Variants in GAK observed in about 807,000 individuals in gnomAD.
The protein encoded by GAK is cyclin-G-associated kinase.
GAK carries 79 observed loss-of-function variants against 143.9 expected under a neutral mutation model. That is an observed-to-expected ratio of 0.55 (90% CI 0.46 to 0.66). The LOEUF (loss-of-function observed/expected upper bound fraction) is 0.66. Among genes scored for constraint, GAK ranks in the 30% least tolerant of loss-of-function variants. GAK has a pLI of 0.00. For missense variants in GAK, 1,693 were observed against 1,779.7 expected, an observed-to-expected ratio of 0.95 and a Z score of 0.88; for synonymous variants, 881 against 765.5, an observed-to-expected ratio of 1.15 and a Z score of -2.49.
chr4:932,293 A>T lies in GAK; in HGVS notation c.-106T>A. On this transcript the variant is annotated 5_prime_UTR_variant, in exon 1 of 28. An upstream start codon of the reference 5' UTR is lost. Transcript: ENST00000314167. This position sits in a 1 kb window ranked among gnomAD's most constrained non-coding sequence, Gnocchi z 4.0. The stretch of plus-strand genomic sequence containing the variant: ...GCAACCGCCGGCCCGGAGGTGCACC[A>T]TCTTCCGCCTCGACGCCGTGACGTA... The T allele has an allele frequency of 7.2e-7, 1 of 1,387,624 alleles. No homozygotes were observed. Among genetic ancestry groups the T allele is most frequent in the South Asian group, 1.6e-5 (1 of 61,674 alleles). The allele number at this position is 1,387,624 out of a possible 1,614,324, so 86.0% of individuals were successfully genotyped here.
Position 867,348 on chromosome 4 carries a change from T to C in GAK, c.2480A>G (p.Glu827Gly), listed in dbSNP as rs1751391361. Residue 827 changes from glutamate (E) to glycine (G), a missense_variant, in exon 21 of 28, where the codon GAG (glutamate) becomes GGG (glycine). Around this residue, in one of 2 missense-constraint regions of GAK, gnomAD observed 822 missense variants for 788.7 expected, o/e 1.04. Transcript: ENST00000314167. The part of the protein sequence containing the change: ...SALMEDRDES[E>G]VSDEGGSPIS... ...CGGGGATCCCCCTTCATCTGACACC[T>C]CACTCTCGTCTCTGTCCTCCATCAG... 3 of 1,604,794 alleles carry C rather than the reference T, an allele frequency of 1.9e-6. No individual in the cohort carries two copies. Among genetic ancestry groups the C allele is most frequent in the African/African-American group, 2.7e-5 (2 of 74,926 alleles).
intron 1 of GAK, among the ~76,000 whole-genome samples, chr4:921,959 A>C (rs115896125): frequency 0.051 from 7,769 of 152,270 alleles, 301 homozygotes; most frequent in Middle Eastern, 0.099. Flanking sequence ...AACCACAAGG[A>C]GGTATCGCTA....
rs767888580 is a variant in GAK, at chr4:932,113, C to T, written c.75G>A (p.Gln25=). 12 of 1,597,638 alleles carry T rather than the reference C, an allele frequency of 7.5e-6. No homozygotes were observed. Among genetic ancestry groups the T allele is most frequent in the African/African-American group, 1.3e-5 (1 of 74,516 alleles). The change falls in exon 1 of 28, where the codon CAG becomes CAA. Residue 25 remains glutamine (Q), a synonymous_variant. Transcript: ENST00000314167. The surrounding 1 kb of genome is among the most constrained non-coding windows in gnomAD (Gnocchi z 4.0). The stretch of plus-strand genomic sequence containing the variant: ...CCACCGTCTGCCCCACGAAGTCACT[C>T]TGGTCGCGGCCGGAAGCACCGCCCA... ...GSLGGASGRD[Q]SDFVGQTVEL...
chr4:884,489 T>A, intron 11 of GAK: 1 of 200,524 alleles, frequency 5.0e-6, no homozygotes, highest in Non-Finnish European at 1.0e-5. Flanking sequence ...CATGCCAGGC[T>A]CCACGCGCTG....
chr4:867,158 C>T lies in GAK; in HGVS notation c.2670G>A (p.Val890=), dbSNP rs1048558345. ...GVDLLGLHSE[V]GAGPAVPPQA... ...GCGGGGGTACAGCTGGCCCTGCGCCCACCTCGGAGTGCAGGCCCAGGAGGT... is the reference window on the plus strand; with the variant it reads ...GCGGGGGTACAGCTGGCCCTGCGCCTACCTCGGAGTGCAGGCCCAGGAGGT... The change falls in exon 21 of 28, where the codon GTG becomes GTA. Residue 890 remains valine (V), a synonymous_variant. Coordinates refer to ENST00000314167, the MANE Select transcript of GAK (RefSeq NM_005255.4). The T allele has an allele frequency of 3.8e-6, 6 of 1,599,360 alleles. No homozygotes were observed. In the African/African-American group the frequency reaches 6.7e-5, roughly 18 times the overall value.
chr4:899,592 C>T (rs1015642833), intron 5 of GAK, among the ~76,000 whole-genome samples: 1 of 90,266 alleles, frequency 1.1e-5, no homozygotes, highest in Admixed American at 1.0e-4. Context: ...CCAGCCTCAT[C>T]GACAGGAGAA....
intron 2 of GAK, among the ~76,000 whole-genome samples, chr4:913,120 A>G (rs911349955): frequency 2.0e-5 from 3 of 152,156 alleles, no homozygotes; most frequent in African/African-American, 7.2e-5. Context: ...GACCACGACA[A>G]CAGGCCCACT....
intron 6 of GAK, among the ~76,000 whole-genome samples, chr4:897,605 G>A (rs1219894833): frequency 6.6e-6 from 1 of 152,178 alleles, no homozygotes; most frequent in Admixed American, 6.5e-5. Context: ...GCATGGATGG[G>A]GCCACCCTGT....
chr4:912,756 G>C lies in GAK; in HGVS notation c.246C>G (p.Ile82Met). 3 of 1,613,864 alleles carry C rather than the reference G, an allele frequency of 1.9e-6. No individual in the cohort carries two copies. The highest frequency in any genetic ancestry group is 2.5e-6 in the Non-Finnish European group (3 of 1,179,806). The change falls in exon 3 of 28, where the codon ATC (isoleucine) becomes ATG (methionine). Residue 82 changes from isoleucine (I) to methionine (M), a missense_variant. By Grantham distance (10) the Ile-to-Met change is conservative. Around this residue, in one of 2 missense-constraint regions of GAK, gnomAD observed 871 missense variants for 991.0 expected, o/e 0.88. Coordinates refer to ENST00000314167, the MANE Select transcript of GAK (RefSeq NM_005255.4). Reference sequence around the variant, plus strand: ...ATACCATGAAGCAAACTTCTTGAATGATGGCTCTGTTCTTTTCCTCTTCAT... The same window carrying C: ...ATACCATGAAGCAAACTTCTTGAATCATGGCTCTGTTCTTTTCCTCTTCAT... ...LSNEEEKNRA[I>M]IQEVCFMKKL...
At chr4:859,888 T>G (rs1749970971) in intron 23 of GAK, among the ~76,000 whole-genome samples, 166 bp from the exon 24 acceptor site, 1 of 152,166 alleles carries the variant, frequency 6.6e-6, no homozygotes, top group Admixed American at 6.5e-5. Flanking sequence ...GAGGTGTGTG[T>G]GGCGGACGCT....
At chr4:920,123 G>T (rs552189545) in intron 1 of GAK, among the ~76,000 whole-genome samples, 9 of 151,966 alleles carry the variant, frequency 5.9e-5, no homozygotes, top group African/African-American at 1.9e-4. Context: ...CCTGGCTAAC[G>T]CAGTGAGACC....
intron 20 of GAK, among the ~76,000 whole-genome samples, chr4:868,105 G>A (rs186095991): frequency 2.0e-5 from 3 of 152,186 alleles, no homozygotes; most frequent in African/African-American, 7.2e-5. Flanking sequence ...GTCCAGTGAT[G>A]GCGCCCAGGT....
chr4:867,943 C>T (rs1294188467), intron 20 of GAK, among the ~76,000 whole-genome samples: 1 of 152,246 alleles, frequency 6.6e-6, no homozygotes, highest in Non-Finnish European at 1.5e-5. Context: ...CAGGCTGAGT[C>T]AAGTGGGGGC....
At chr4:912,442 C>G (rs995838676) in intron 3 of GAK, 1 of 410,344 alleles carries the variant, frequency 2.4e-6, no homozygotes, top group Admixed American at 3.6e-5. Flanking sequence ...GGGCAAGGGC[C>G]CCCTGTGGTA....
chr4:856,478 A>C (rs1440379053), intron 24 of GAK, among the ~76,000 whole-genome samples: 5 of 136,174 alleles, frequency 3.7e-5, no homozygotes, highest in Non-Finnish European at 7.9e-5. Context: ...GCTGCTCACC[A>C]CCACAGCTGC....
At chr4:900,687 C>T (rs1161370943) in intron 5 of GAK, among the ~76,000 whole-genome samples, 2 of 152,168 alleles carry the variant, frequency 1.3e-5, no homozygotes, top group Admixed American at 6.5e-5. Flanking sequence ...AGAATGGGGC[C>T]TCAGGCGCAT....
chr4:910,866 G>C (rs1721934086), intron 4 of GAK, among the ~76,000 whole-genome samples: 1 of 152,176 alleles, frequency 6.6e-6, no homozygotes, highest in South Asian at 2.1e-4. Context: ...GAGTTCTGGA[G>C]GGCATCGGCA....
At chr4:850,104 C>T in intron 26 of GAK, 36 bp from the exon 27 acceptor site, 1 of 1,524,800 alleles carries the variant, frequency 6.6e-7, no homozygotes, top group Non-Finnish European at 8.9e-7. Context: ...GCCCTGGGCA[C>T]CTGCCTGCCC....
rs778058350 is a variant in GAK at position 866,464 on chromosome 4, G to A, written c.2943C>T (p.Phe981=). The change falls in exon 22 of 28, where the codon TTC becomes TTT. Residue 981 remains phenylalanine, a synonymous_variant. Transcript: ENST00000314167. ...NSQPCSNPDL[F]GEFLNSDSVT... is the part of the protein sequence containing the mutation. ...CAGAGTCCGAATTGAGAAATTCGCCGAAGAGATCAGGATTGGAGCAGGGCT... is the reference window on the plus strand; with the variant it reads ...CAGAGTCCGAATTGAGAAATTCGCCAAAGAGATCAGGATTGGAGCAGGGCT... 9 of 1,614,008 alleles carry A rather than the reference G, an allele frequency of 5.6e-6. No homozygotes were observed. The highest frequency in any genetic ancestry group is 3.3e-5 in the Admixed American group (2 of 60,004).
Sources: gnomAD v4.1 joint callset for allele counts (sites outside exome capture counted in the v4.1 genomes callset) on GRCh38, gnomAD v4.1.1 for gene constraint, gnomAD v4.1.1 regional missense constraint, Gnocchi (gnomAD v3.1) non-coding constraint, MANE v1.5 for transcripts, NCBI Gene and HGNC (gene_info 2026-07-23, HGNC 2026-07-21) for gene names.